Variants in ITCH observed in about 807,000 individuals in gnomAD.
ITCH encodes the protein E3 ubiquitin-protein ligase Itchy homolog.
In ITCH, 28 loss-of-function variants were observed where a neutral mutation model predicts 126.8. The observed-to-expected ratio is 0.22, with a 90% CI of 0.16 to 0.30. ITCH has a LOEUF of 0.30. ITCH is among the 10% of genes least tolerant of loss of function. The pLI is 1.00. For missense variants in ITCH, 631 were observed against 1,032.4 expected (o/e 0.61, Z 5.33); for synonymous variants, 342 against 340.0 (o/e 1.01, Z -0.06).
intron 2 of ITCH, among the ~76,000 whole-genome samples, chr20:34,387,590 A>C (rs1440852167): frequency 6.6e-6 from 1 of 151,518 alleles, no homozygotes; most frequent in East Asian, 1.9e-4. Flanking sequence ...CGATCACTCT[A>C]GCATAGGCAA....
At chr20:34,412,270 T>C (rs539489033) in intron 4 of ITCH, among the ~76,000 whole-genome samples, 3 of 152,352 alleles carry the variant, frequency 2.0e-5, no homozygotes, top group Admixed American at 1.3e-4. Flanking sequence ...AGTTTTACTT[T>C]TGTTGACAAT....
At chr20:34,402,545 T>TA in intron 3 of ITCH, 1 of 733,622 alleles carries the variant, frequency 1.4e-6, no homozygotes, top group Middle Eastern at 3.7e-4. Flanking sequence ...TGCTCTGCAG[T>TA]ATCAAAAAGT....
rs368288502 is a variant in ITCH, at chr20:34,471,147, G to T, written c.1498-297G>T. On this transcript the variant is annotated intron_variant, in intron 15 of 24. Coordinates refer to ENST00000374864, the MANE Select transcript of ITCH (RefSeq NM_031483.7). Reference sequence around the variant, plus strand: ...TAATTAACTGGACCCATGGAAGCAAGAAGAATCTGGATTAACTGTTGGAAA... The same window carrying T: ...TAATTAACTGGACCCATGGAAGCAATAAGAATCTGGATTAACTGTTGGAAA... 3.9e-5 allele frequency among the ~76,000 whole-genome samples: 6 copies of T among 152,240 alleles called. No homozygotes were observed. In the East Asian group the frequency reaches 1.2e-3, roughly 29 times the overall value.
chr20:34,365,359 C>T (rs940958032), intron 1 of ITCH, among the ~76,000 whole-genome samples: 2 of 152,138 alleles, frequency 1.3e-5, no homozygotes, highest in Non-Finnish European at 2.9e-5. Context: ...TGAGTACAGA[C>T]TACTTCTTCA....
chr20:34,471,648 T>C, intron 16 of ITCH, 133 bp downstream of exon 16: 1 of 683,288 alleles, frequency 1.5e-6, no homozygotes, highest in Non-Finnish European at 2.7e-6. Context: ...TGCGATCTCA[T>C]TGCCAGCCAC....
At chr20:34,484,116 G>A (rs1988950286) in intron 20 of ITCH, among the ~76,000 whole-genome samples, 1 of 152,186 alleles carries the variant, frequency 6.6e-6, no homozygotes, top group African/African-American at 2.4e-5. Context: ...GGAGCTACAA[G>A]ATGTGATTTG....
chr20:34,453,009 G>C (rs1985444277), intron 12 of ITCH, among the ~76,000 whole-genome samples: 1 of 152,182 alleles, frequency 6.6e-6, no homozygotes, highest in Non-Finnish European at 1.5e-5. Context: ...AGAATGACAA[G>C]AAGTGTCTGT....
At chr20:34,441,708 C>T in intron 9 of ITCH, 1 of 178,486 alleles carries the variant, frequency 5.6e-6, no homozygotes, top group East Asian at 1.4e-4. Flanking sequence ...GCCTCAGCCT[C>T]CTGAGTAGTT....
At chr20:34,470,292 G>A (rs773057893) in intron 15 of ITCH, among the ~76,000 whole-genome samples, 172 bp downstream of exon 15, 5 of 152,030 alleles carry the variant, frequency 3.3e-5, no homozygotes, top group Non-Finnish European at 5.9e-5. Flanking sequence ...TAGATCATTT[G>A]TGACTTTGGT....
chr20:34,469,982 G>C (rs1987463267), intron 14 of ITCH, 66 bp from the exon 15 acceptor site: 1 of 1,216,930 alleles, frequency 8.2e-7, no homozygotes, highest in Non-Finnish European at 1.2e-6. Flanking sequence ...GGGATATTTT[G>C]CTTTCCTTCA....
chr20:34,399,397 AT>A (rs1210281500), intron 3 of ITCH, among the ~76,000 whole-genome samples: 1 of 151,904 alleles, frequency 6.6e-6, no homozygotes, highest in Non-Finnish European at 1.5e-5. Context: ...TCTCAAAAAA[AT>A]AAATAAATAA....
At chr20:34,371,579 C>T (rs952414503) in intron 2 of ITCH, among the ~76,000 whole-genome samples, 1 of 151,978 alleles carries the variant, frequency 6.6e-6, no homozygotes, top group Non-Finnish European at 1.5e-5. Flanking sequence ...CCACTGAGCC[C>T]GGTCCTGTTC....
rs1375071677 is a variant in ITCH, at chr20:34,511,014, G to A, written c.*3220G>A. ...GAAATGTTACCGGGGTTGACTCACG[G>A]AATTAAATTTTTCCTCTATTTTTAT... On this transcript the variant is annotated 3_prime_UTR_variant, in exon 25 of 25. Coordinates refer to ENST00000374864, the MANE Select transcript of ITCH (RefSeq NM_031483.7). The A allele has an allele frequency of 6.6e-6, 1 of 152,120 alleles. No homozygotes were observed. The highest frequency in any genetic ancestry group is 2.4e-5 in the African/African-American group (1 of 41,418). The allele number at this position is 152,120 out of a possible 1,614,324, so 9.4% of individuals were successfully genotyped here.
intron 2 of ITCH, among the ~76,000 whole-genome samples, chr20:34,373,475 C>T (rs986049612): frequency 2.0e-5 from 3 of 152,078 alleles, no homozygotes; most frequent in Admixed American, 2.0e-4. Flanking sequence ...GGGGTTTCAC[C>T]ATATTGGCCA....
At chr20:34,448,025 A>G (rs1237463918) in intron 11 of ITCH, among the ~76,000 whole-genome samples, 1 of 152,204 alleles carries the variant, frequency 6.6e-6, no homozygotes, top group Non-Finnish European at 1.5e-5. Context: ...GCATTTAATT[A>G]CAGATTAGGT....
chr20:34,445,259 T>G lies in ITCH; in HGVS notation c.966-28T>G, dbSNP rs758415926. On this transcript the variant is annotated intron_variant, in intron 10 of 24. Transcript: ENST00000374864. ...TTCACAAGTATTTGTTGAATTAGCT[T>G]GTTTTTTTTTTTTTTTTTCTGATTT... 1.4e-5 allele frequency: 21 copies of G among 1,485,438 alleles called. No individual in the cohort carries two copies. The Admixed American group carries it at 3.4e-4, about 24-fold the overall frequency. The allele number at this position is 1,485,438 out of a possible 1,614,324, so 92.0% of individuals were successfully genotyped here. A position where few individuals can be genotyped will look rare whatever the true frequency, so the allele number is the denominator to read the frequency against.
chr20:34,460,209 G>A (rs1568966533), intron 13 of ITCH, among the ~76,000 whole-genome samples: 1 of 151,468 alleles, frequency 6.6e-6, no homozygotes, highest in Non-Finnish European at 1.5e-5. Flanking sequence ...TGTTGTTTGA[G>A]ACAAGGTCTC....
At chr20:34,507,516 A>C (rs1221096974) in intron 24 of ITCH, among the ~76,000 whole-genome samples, 179 bp from the exon 25 acceptor site, 1 of 151,788 alleles carries the variant, frequency 6.6e-6, no homozygotes, top group Non-Finnish European at 1.5e-5. Context: ...CCTTTATCAG[A>C]TATATGATTT....
At chr20:34,375,149 C>T (rs942837171) in intron 2 of ITCH, among the ~76,000 whole-genome samples, 1 of 151,434 alleles carries the variant, frequency 6.6e-6, no homozygotes, top group Admixed American at 6.6e-5. Context: ...TCAAGCAATT[C>T]TCCTGCCTCA....
Sources: gnomAD v4.1 joint callset for allele counts (sites outside exome capture counted in the v4.1 genomes callset) on GRCh38, gnomAD v4.1.1 for gene constraint, MANE v1.5 for transcripts, NCBI Gene and HGNC (gene_info 2026-07-23, HGNC 2026-07-21) for gene names.